The following PAPPA2 variants were observed in gnomAD, a reference collection of about 807,000 sequenced individuals.
PAPPA2 encodes the protein pappalysin 2.
Under a neutral mutation model 176.4 loss-of-function variants are expected in PAPPA2, and 86 were observed. The ratio of observed to expected loss-of-function variants is 0.49; its 90% CI spans 0.41 to 0.58. PAPPA2 has a LOEUF of 0.58. PAPPA2 is among the 20% of genes least tolerant of loss of function. The pLI is 0.00. For missense variants in PAPPA2, 2,073 were observed against 2,256.9 expected, an observed-to-expected ratio of 0.92 and a Z score of 1.65; for synonymous variants, 809 against 852.2, an observed-to-expected ratio of 0.95 and a Z score of 0.88.
chr1:176,820,238 A>G (rs1474764610), intron 21 of PAPPA2, among the ~76,000 whole-genome samples: 1 of 152,122 alleles, frequency 6.6e-6, no homozygotes, highest in Non-Finnish European at 1.5e-5. Flanking sequence ...TTTTGGTTCC[A>G]GTAGGTTCTC....
chr1:176,646,639 A>G (rs931312308), intron 3 of PAPPA2, among the ~76,000 whole-genome samples: 2 of 151,048 alleles, frequency 1.3e-5, no homozygotes, highest in Non-Finnish European at 3.0e-5. Context: ...TTTAGCTACC[A>G]TAAATAAGTG....
chr1:176,730,745 C>T (rs1662104167), intron 12 of PAPPA2, among the ~76,000 whole-genome samples: 1 of 151,676 alleles, frequency 6.6e-6, no homozygotes, highest in Admixed American at 6.6e-5. Context: ...ATAATTTTCC[C>T]CTCTAAGTAC....
intron 17 of PAPPA2, among the ~76,000 whole-genome samples, chr1:176,782,131 G>T (rs1664747041): frequency 1.3e-5 from 2 of 152,122 alleles, no homozygotes; most frequent in South Asian, 4.1e-4. Flanking sequence ...TAGGCATTTG[G>T]CATGAGACTC....
intron 1 of PAPPA2, among the ~76,000 whole-genome samples, chr1:176,487,120 A>G (rs1652679804): frequency 6.6e-6 from 1 of 152,208 alleles, no homozygotes; most frequent in African/African-American, 2.4e-5. Flanking sequence ...TCAACTATTT[A>G]AAAACGTATC....
rs763532990 is a variant in PAPPA2 at position 176,702,745 on chromosome 1, TTGTGTGTGTG to T, written c.3365+33_3365+42del. ...ATGGGAAGGTGTCAGAGTGAGTATT[TTGTGTGTGTG>T]TGTGTGTGTGTGTGTGTGTGTGAGA... On this transcript the variant is annotated intron_variant, in intron 9 of 22. Transcript: ENST00000367662. 4 of 1,198,482 alleles carry T rather than the reference TTGTGTGTGTG, an allele frequency of 3.3e-6. No individual in the cohort carries two copies. The highest frequency in any genetic ancestry group is 2.9e-5 in the East Asian group (1 of 34,334). 74.2% of individuals were successfully genotyped at this position (1,198,482 alleles called of 1,614,324 possible). A position where few individuals can be genotyped will look rare whatever the true frequency, so the allele number is the denominator to read the frequency against.
chr1:176,610,822 T>A (rs909380858), intron 3 of PAPPA2, among the ~76,000 whole-genome samples: 2 of 152,214 alleles, frequency 1.3e-5, no homozygotes, highest in Admixed American at 1.3e-4. Context: ...CTCATTCTAT[T>A]TATTTATTCA....
chr1:176,659,410 T>C (rs1204962321), intron 3 of PAPPA2, among the ~76,000 whole-genome samples: 1 of 152,096 alleles, frequency 6.6e-6, no homozygotes, highest in Admixed American at 6.6e-5. Flanking sequence ...TCTATGTGAA[T>C]CTGTCCCTGT....
At chr1:176,728,926 T>A (rs977321828) in intron 12 of PAPPA2, among the ~76,000 whole-genome samples, 1 of 151,974 alleles carries the variant, frequency 6.6e-6, no homozygotes, top group African/African-American at 2.4e-5. Flanking sequence ...ATTACCCAAT[T>A]ATCTCTATTT....
intron 2 of PAPPA2, among the ~76,000 whole-genome samples, chr1:176,570,740 G>C (rs1652277855): frequency 6.6e-6 from 1 of 150,838 alleles, no homozygotes. Flanking sequence ...CCATGGCAGA[G>C]GAGGGGGCAC....
At chr1:176,484,142 G>T (rs1421942516) in intron 1 of PAPPA2, among the ~76,000 whole-genome samples, 1 of 152,106 alleles carries the variant, frequency 6.6e-6, no homozygotes. Context: ...TGGCACTTTT[G>T]TCTCAACACT....
At chr1:176,740,591 T>C (rs1662634830) in intron 14 of PAPPA2, among the ~76,000 whole-genome samples, 1 of 152,214 alleles carries the variant, frequency 6.6e-6, no homozygotes, top group Non-Finnish European at 1.5e-5. Flanking sequence ...ATATAGCAAG[T>C]TTAACAATTG....
chr1:176,598,640 A>G (rs1454276370), intron 3 of PAPPA2, among the ~76,000 whole-genome samples: 5 of 151,666 alleles, frequency 3.3e-5, no homozygotes, highest in Non-Finnish European at 7.4e-5. Context: ...TATTTTACCC[A>G]CTAATTTGTA....
intron 3 of PAPPA2, among the ~76,000 whole-genome samples, chr1:176,632,216 A>G (rs1024571350): frequency 1.8e-4 from 27 of 148,500 alleles, no homozygotes; most frequent in Middle Eastern, 3.4e-3. Context: ...TTGAAGACCA[A>G]TAATTAGTAG....
At chr1:176,669,883 G>A (rs1658887223) in intron 3 of PAPPA2, among the ~76,000 whole-genome samples, 1 of 152,094 alleles carries the variant, frequency 6.6e-6, no homozygotes, top group Non-Finnish European at 1.5e-5. Flanking sequence ...CTTCTAGGGT[G>A]GTAGATTTCA....
chr1:176,682,744 C>T (rs1659646030), intron 4 of PAPPA2, among the ~76,000 whole-genome samples: 1 of 151,976 alleles, frequency 6.6e-6, no homozygotes, highest in African/African-American at 2.4e-5. Context: ...ACCAGTCCAC[C>T]TACACCACTT....
chr1:176,530,789 T>A (rs1649768042), intron 1 of PAPPA2, among the ~76,000 whole-genome samples: 2 of 152,236 alleles, frequency 1.3e-5, no homozygotes, highest in African/African-American at 2.4e-5. Flanking sequence ...AATTCTATAT[T>A]AGGGGCATAC....
chr1:176,753,554 CTTTTTTTTTTTTTTTT>C (rs77817405), intron 14 of PAPPA2, among the ~76,000 whole-genome samples: 1 of 73,498 alleles, frequency 1.4e-5, no homozygotes, highest in Non-Finnish European at 2.5e-5. Flanking sequence ...AAGGCTCCTC[CTTTTTTTTTTTTTTTT>C]TTTTTTTTTT....
intron 1 of PAPPA2, among the ~76,000 whole-genome samples, chr1:176,508,598 T>A (rs998501722): frequency 1.5e-4 from 22 of 150,080 alleles, no homozygotes; most frequent in African/African-American, 2.2e-4. Context: ...AAAAAAAAAA[T>A]AATGAATAGA....
At chr1:176,640,972 G>A (rs1657048118) in intron 3 of PAPPA2, among the ~76,000 whole-genome samples, 1 of 152,144 alleles carries the variant, frequency 6.6e-6, no homozygotes, top group African/African-American at 2.4e-5. Context: ...GTGTTTTTTG[G>A]CTGCATAAAT....
Sources: allele counts gnomAD v4.1 joint callset (sites outside exome capture counted in the v4.1 genomes callset), GRCh38; gene constraint gnomAD v4.1.1; transcripts MANE v1.5; gene names NCBI Gene and HGNC (gene_info 2026-07-23, HGNC 2026-07-21).